The following CD99 variants were observed in gnomAD, a reference collection of about 807,000 sequenced individuals.
CD99 encodes the protein CD99 antigen.
CD99 carries 19 observed loss-of-function variants against 28.4 expected under a neutral mutation model. The observed-to-expected ratio is 0.67, with a 90% CI of 0.47 to 0.98. The LOEUF (loss-of-function observed/expected upper bound fraction) is 0.98. Among genes scored for constraint, CD99 ranks in the 50% least tolerant of loss-of-function variants. The pLI is 0.00. For missense variants in CD99, 283 were observed against 248.8 expected (o/e 1.14, Z -0.92); for synonymous variants, 103 against 92.1 (o/e 1.12, Z -0.67).
chrX:2,732,080 A>G (rs137980586), intron 8 of CD99, among the ~76,000 whole-genome samples: 11,612 of 152,036 alleles, frequency 0.076, 468 homozygotes, highest in Middle Eastern at 0.11. Context: ...AAAAACCACA[A>G]TTACTTTTGC....
chrX:2,720,036 G>C (rs1335688008), intron 4 of CD99, among the ~76,000 whole-genome samples: 1 of 152,162 alleles, frequency 6.6e-6, no homozygotes, highest in Non-Finnish European at 1.5e-5. Context: ...GAACCATACT[G>C]GTTTACTGCT....
intron 7 of CD99, among the ~76,000 whole-genome samples, chrX:2,723,983 A>C (rs1225581228): frequency 7.2e-6 from 1 of 138,996 alleles, no homozygotes; most frequent in Non-Finnish European, 1.5e-5. Context: ...GGAAAGAAGG[A>C]AGGAGGGATG....
In CD99 at chrX:2,706,063, GAAA is replaced by G. The variant is rs3047482; in HGVS notation, c.68-8348_68-8346del. Among the ~76,000 whole-genome samples, 175 of 142,974 alleles carry G rather than the reference GAAA, an allele frequency of 1.2e-3. No homozygotes were observed. The South Asian group carries it at 0.015, about 12-fold the overall frequency. 93.8% of individuals were successfully genotyped at this position (142,974 alleles called of 152,430 possible). ...CACTCGACCTCCAAAACGTTAAAAAGAAAAAAAAAAAAAGAGCCGGGCGCGGTG... is the reference window on the plus strand; with the variant it reads ...CACTCGACCTCCAAAACGTTAAAAAGAAAAAAAAAAGAGCCGGGCGCGGTG... On this transcript the variant is annotated intron_variant, in intron 1 of 9. Coordinates refer to ENST00000381192, the MANE Select transcript of CD99 (RefSeq NM_002414.5).
Position 2,732,012 on chromosome X carries a change from T to G in CD99, c.475+5639T>G, listed in dbSNP as rs375218985. Among the ~76,000 whole-genome samples, 11 of 151,932 alleles carry G rather than the reference T, an allele frequency of 7.2e-5. No individual in the cohort carries two copies. In the East Asian group the frequency reaches 9.7e-4, roughly 13 times the overall value. Reference sequence around the variant, plus strand: ...GCTGAGTGTGGTGGCTCCCAGCTAATTTTTTACCTTTTTTTGTAGAGACAG... The same window carrying G: ...GCTGAGTGTGGTGGCTCCCAGCTAAGTTTTTACCTTTTTTTGTAGAGACAG... On this transcript the variant is annotated intron_variant, in intron 8 of 9. Coordinates refer to ENST00000381192, the MANE Select transcript of CD99 (RefSeq NM_002414.5).
At chrX:2,709,418 A>G (rs1313935228) in intron 1 of CD99, among the ~76,000 whole-genome samples, 1 of 152,380 alleles carries the variant, frequency 6.6e-6, no homozygotes, top group East Asian at 1.9e-4. Context: ...AAACACGCAG[A>G]CACATGAACA....
At chrX:2,730,318 G>A (rs55766639) in intron 8 of CD99, among the ~76,000 whole-genome samples, 4 of 151,632 alleles carry the variant, frequency 2.6e-5, no homozygotes, top group South Asian at 2.1e-4. Flanking sequence ...GACTACAGGC[G>A]CGTGCCACCA....
intron 9 of CD99, among the ~76,000 whole-genome samples, chrX:2,740,390 T>C (rs1291620203): frequency 6.6e-6 from 1 of 152,138 alleles, no homozygotes; most frequent in Non-Finnish European, 1.5e-5. Context: ...GAATAAAGTT[T>C]CCAAAACTTA....
intron 7 of CD99, 194 bp downstream of exon 7, chrX:2,723,558 G>T: frequency 3.1e-6 from 2 of 655,430 alleles, no homozygotes; most frequent in Non-Finnish European, 5.5e-6. Context: ...CCCTGCTCCG[G>T]GTGCCCACGT....
chrX:2,734,230 A>T, intron 8 of CD99, among the ~76,000 whole-genome samples: 25 of 133,526 alleles, frequency 1.9e-4, no homozygotes, highest in South Asian at 7.5e-4. Context: ...TTTTTTTCTT[A>T]TTTCTTTTCC....
In CD99 at chrX:2,727,567, C is replaced by G. The variant is rs554382865; in HGVS notation, c.475+1194C>G. On this transcript the variant is annotated intron_variant, in intron 8 of 9. Coordinates refer to ENST00000381192, the MANE Select transcript of CD99 (RefSeq NM_002414.5). ...TCTCAGCTCACTGCAGTCTCCACCC[C>G]ACAGGTTCAAGTGATTCTCCTGCCT... Among the ~76,000 whole-genome samples the G allele has an allele frequency of 1.1e-4, 16 of 152,268 alleles. 2 individuals are homozygous for G. The highest frequency in any genetic ancestry group is 3.6e-4 in the African/African-American group (15 of 41,552).
At chrX:2,720,036 G>T (rs1335688008) in intron 4 of CD99, among the ~76,000 whole-genome samples, 5 of 152,162 alleles carry the variant, frequency 3.3e-5, no homozygotes, top group African/African-American at 1.2e-4. Flanking sequence ...GAACCATACT[G>T]GTTTACTGCT....
chrX:2,737,986 G>T, intron 8 of CD99: 1 of 715,452 alleles, frequency 1.4e-6, no homozygotes, highest in East Asian at 2.7e-5. Context: ...GTTCATCTCT[G>T]CCTGTGCCAT....
At chrX:2,728,240 T>C (rs758278740) in intron 8 of CD99, among the ~76,000 whole-genome samples, 1 of 146,906 alleles carries the variant, frequency 6.8e-6, no homozygotes, top group Admixed American at 6.9e-5. Context: ...AGTCTCACTC[T>C]GTCACCCAGG....
intron 2 of CD99, among the ~76,000 whole-genome samples, chrX:2,716,097 C>T (rs1176616552): frequency 6.6e-6 from 1 of 151,496 alleles, no homozygotes; most frequent in Non-Finnish European, 1.5e-5. Flanking sequence ...CGGCTCACTG[C>T]AACCTCTGCC....
At position 2,741,121 on chromosome X, in the gene CD99, C is replaced by A; in HGVS notation, c.*317C>A. On this transcript the variant is annotated 3_prime_UTR_variant, in exon 10 of 10. Coordinates refer to ENST00000381192, the MANE Select transcript of CD99 (RefSeq NM_002414.5). ...CAAATGTCAACCCCACCGAGGCACC[C>A]CCCCGTCCCCCAGAATCTTGGCTGT... 5.1e-6 allele frequency: 2 copies of A among 390,598 alleles called. No individual in the cohort carries two copies. Among genetic ancestry groups the A allele is most frequent in the Non-Finnish European group, 9.2e-6 (2 of 216,844 alleles). 24.2% of individuals were successfully genotyped at this position (390,598 alleles called of 1,614,324 possible). A position where few individuals can be genotyped will look rare whatever the true frequency, so the allele number is the denominator to read the frequency against.
chrX:2,729,192 C>G (rs2049461857), intron 8 of CD99, among the ~76,000 whole-genome samples: 1 of 152,152 alleles, frequency 6.6e-6, no homozygotes, highest in Non-Finnish European at 1.5e-5. Context: ...TACAAAGTCT[C>G]TGATTGATGA....
chrX:2,736,561 A>T (rs1478625785), intron 8 of CD99, among the ~76,000 whole-genome samples: 2 of 151,858 alleles, frequency 1.3e-5, no homozygotes, highest in African/African-American at 2.4e-5. Context: ...TTTTAATGGA[A>T]ATTTGGGAAT....
At chrX:2,716,606 C>G (rs779107051) in intron 2 of CD99, among the ~76,000 whole-genome samples, 1 of 152,226 alleles carries the variant, frequency 6.6e-6, no homozygotes, top group Non-Finnish European at 1.5e-5. Flanking sequence ...ATCCTCCCAC[C>G]TCAGCCTCCC....
intron 8 of CD99, chrX:2,737,970 G>A: frequency 1.4e-6 from 1 of 711,316 alleles, no homozygotes; most frequent in Non-Finnish European, 2.6e-6. Flanking sequence ...GGATTACCCT[G>A]TTGAAGTTCA....
Sources: gnomAD v4.1 joint callset for allele counts (sites outside exome capture counted in the v4.1 genomes callset) on GRCh38, gnomAD v4.1.1 for gene constraint, MANE v1.5 for transcripts, NCBI Gene and HGNC (gene_info 2026-07-23, HGNC 2026-07-21) for gene names.